AHCYL2: variants seen among roughly 807,000 people sequenced by gnomAD.
AHCYL2 encodes the protein adenosylhomocysteinase like 2, also known as S-adenosylhomocysteine hydrolase-like protein 2.
In AHCYL2, 28 loss-of-function variants were observed where a neutral mutation model predicts 81.4. That is an observed-to-expected ratio of 0.34 (90% CI 0.25 to 0.47). AHCYL2 has a LOEUF of 0.47. Among genes scored for constraint, AHCYL2 ranks in the 20% least tolerant of loss-of-function variants. The pLI is 1.00. For synonymous variants in AHCYL2, 272 were observed against 290.2 expected (o/e 0.94, Z 0.64); for missense variants, 551 against 785.1 (o/e 0.70, Z 3.56).
chr7:129,422,366 T>TA (rs1402679354), intron 12 of AHCYL2, among the ~76,000 whole-genome samples: 1 of 152,236 alleles, frequency 6.6e-6, no homozygotes, highest in African/African-American at 2.4e-5. Flanking sequence ...TTTGGCCTCT[T>TA]ACTAAACCCA....
chr7:129,276,756 A>G (rs2150734660), intron 1 of AHCYL2, among the ~76,000 whole-genome samples: 1 of 151,506 alleles, frequency 6.6e-6, no homozygotes, highest in East Asian at 1.9e-4. Context: ...AAAAAAGAAA[A>G]AAACCACAAA....
chr7:129,295,363 T>G (rs1026679330), intron 1 of AHCYL2, among the ~76,000 whole-genome samples: 6 of 152,204 alleles, frequency 3.9e-5, no homozygotes, highest in African/African-American at 1.4e-4. Flanking sequence ...ATGTTACGTA[T>G]GAGTCAGTCT....
chr7:129,403,454 A>T lies in AHCYL2; in HGVS notation c.994A>T (p.Ile332Leu), dbSNP rs566650083. The change falls in exon 7 of 17, where the codon ATA (isoleucine) becomes TTA (leucine). Residue 332 changes from isoleucine to leucine, a missense_variant. This residue lies in a region of AHCYL2 where 316 missense variants were observed against 543.1 expected (regional missense o/e 0.58). Transcript: ENST00000325006. The stretch of plus-strand genomic sequence containing the variant: ...CAACATGTTTAAGAAAATCAAGGGC[A>T]TAGTAGAGGAGAGTGTTACTGGAGT... ...YPNMFKKIKG[I>L]VEESVTGVHR... The T allele has an allele frequency of 3.7e-6, 6 of 1,611,538 alleles. No homozygotes were observed. Among genetic ancestry groups the T allele is most frequent in the Non-Finnish European group, 5.1e-6 (6 of 1,178,696 alleles).
intron 5 of AHCYL2, among the ~76,000 whole-genome samples, chr7:129,397,622 T>G (rs1035429072): frequency 3.3e-5 from 5 of 152,220 alleles, no homozygotes; most frequent in African/African-American, 1.2e-4. Context: ...CACTACTCAC[T>G]GAGGTAACAT....
intron 1 of AHCYL2, among the ~76,000 whole-genome samples, chr7:129,292,666 C>T (rs1796908237): frequency 6.6e-6 from 1 of 151,948 alleles, no homozygotes; most frequent in African/African-American, 2.4e-5. Flanking sequence ...AGTTGGGAGG[C>T]TGAGGCAGGA....
chr7:129,239,850 A>AT (rs1011241318), intron 1 of AHCYL2, among the ~76,000 whole-genome samples: 77 of 151,456 alleles, frequency 5.1e-4, no homozygotes, highest in African/African-American at 1.8e-3. Context: ...CCATATATAC[A>AT]TAACAGAACC....
At position 129,420,170 on chromosome 7, in the gene AHCYL2, T is replaced by C. The variant is rs376110867; in HGVS notation, c.1462-2670T>C. ...CTACTAAGCACTGGTTATTTTCTTA[T>C]GTTTATAAGAAGTGTCCTTTCCTTG... On this transcript the variant is annotated intron_variant, in intron 12 of 16. Transcript: ENST00000325006. 7.9e-5 allele frequency among the ~76,000 whole-genome samples: 12 copies of C among 152,234 alleles called. No individual in the cohort carries two copies. The East Asian group carries it at 2.1e-3, about 27-fold the overall frequency.
intron 1 of AHCYL2, among the ~76,000 whole-genome samples, chr7:129,373,599 C>CAAA (rs113448711): frequency 7.2e-6 from 1 of 138,894 alleles, no homozygotes; most frequent in African/African-American, 2.6e-5. Flanking sequence ...GACTCAGTCT[C>CAAA]AAAAAAAAAA....
chr7:129,397,219 C>T lies in AHCYL2; in HGVS notation c.721-3C>T. On this transcript the variant is annotated splice_polypyrimidine_tract_variant and splice_region_variant and intron_variant, in intron 4 of 16. Transcript: ENST00000325006. ...CTCATACCCTGCTTTGTCTTTAATA[C>T]AGGTGCTTATGGAAACTCTGGGTGC... 1.2e-6 allele frequency: 2 copies of T among 1,613,544 alleles called. No homozygotes were observed. The highest frequency in any genetic ancestry group is 1.3e-5 in the African/African-American group (1 of 75,012).
chr7:129,390,925 C>T (rs887393861), intron 4 of AHCYL2, among the ~76,000 whole-genome samples: 3 of 152,056 alleles, frequency 2.0e-5, no homozygotes, highest in Non-Finnish European at 4.4e-5. Context: ...TGTCCCTGAA[C>T]TATCCTGAAA....
intron 1 of AHCYL2, among the ~76,000 whole-genome samples, chr7:129,370,432 C>T (rs574376207): frequency 6.6e-6 from 1 of 152,096 alleles, no homozygotes; most frequent in Non-Finnish European, 1.5e-5. Context: ...TGCGGTGGCT[C>T]ACGCCTGTAA....
intron 12 of AHCYL2, among the ~76,000 whole-genome samples, chr7:129,413,997 T>C (rs896551145): frequency 6.6e-6 from 1 of 152,192 alleles, no homozygotes; most frequent in African/African-American, 2.4e-5. Flanking sequence ...TGATAGAAAC[T>C]CAGAGCTAAG....
chr7:129,325,807 G>A (rs1798201987), intron 1 of AHCYL2, among the ~76,000 whole-genome samples: 1 of 151,730 alleles, frequency 6.6e-6, no homozygotes, highest in Admixed American at 6.6e-5. Flanking sequence ...CTGGGTTCAA[G>A]CGATTCTCCC....
intron 1 of AHCYL2, among the ~76,000 whole-genome samples, chr7:129,261,192 G>A (rs1204388065): frequency 1.3e-5 from 2 of 152,068 alleles, no homozygotes; most frequent in East Asian, 3.8e-4. Context: ...GTTTCTATAT[G>A]TTCAGATATT....
intron 1 of AHCYL2, among the ~76,000 whole-genome samples, chr7:129,304,052 A>T (rs1201201251): frequency 2.6e-5 from 4 of 151,658 alleles, no homozygotes; most frequent in Admixed American, 6.5e-5. Context: ...AGACTGTCTC[A>T]AAAAATAAAA....
intron 1 of AHCYL2, among the ~76,000 whole-genome samples, chr7:129,320,747 TCCTCTAAATAAATTCCCCTAC>T (rs1328590431): frequency 1.3e-5 from 2 of 152,222 alleles, no homozygotes; most frequent in Non-Finnish European, 2.9e-5. Context: ...ATTTTTGCCA[TCCTCTAAATAAATTCCCCTAC>T]CCATTAGTGG....
intron 1 of AHCYL2, among the ~76,000 whole-genome samples, chr7:129,319,626 T>A (rs541081641): frequency 6.6e-6 from 1 of 152,214 alleles, no homozygotes; most frequent in Non-Finnish European, 1.5e-5. Context: ...CAATTACTTA[T>A]CTGCTGTCTT....
At chr7:129,330,470 A>ATTT (rs34481793) in intron 1 of AHCYL2, among the ~76,000 whole-genome samples, 2 of 139,154 alleles carry the variant, frequency 1.4e-5, no homozygotes, top group Admixed American at 7.2e-5. Flanking sequence ...ACTCTGGTAC[A>ATTT]TTTTTTTTTT....
chr7:129,384,103 A>G (rs1376046766), intron 2 of AHCYL2, among the ~76,000 whole-genome samples: 1 of 152,090 alleles, frequency 6.6e-6, no homozygotes, highest in Non-Finnish European at 1.5e-5. Flanking sequence ...ACACATAAAT[A>G]TATACAATTT....
Sources: allele counts gnomAD v4.1 joint callset (sites outside exome capture counted in the v4.1 genomes callset), GRCh38; gene constraint gnomAD v4.1.1; regional missense constraint gnomAD v4.1.1; transcripts MANE v1.5; gene names NCBI Gene and HGNC (gene_info 2026-07-23, HGNC 2026-07-21).